Variants in SBF2 observed in about 807,000 individuals in gnomAD.
The protein encoded by SBF2 is SET binding factor 2.
In SBF2, 112 loss-of-function variants were observed where a neutral mutation model predicts 225.2. The ratio of observed to expected loss-of-function variants is 0.50; its 90% CI spans 0.43 to 0.58. The LOEUF (loss-of-function observed/expected upper bound fraction) is 0.58, where lower values mean the gene tolerates loss of function less well. SBF2 is among the 20% of genes least tolerant of loss of function. SBF2 has a pLI of 0.00. For missense variants in SBF2, 1,996 were observed against 2,206.2 expected (o/e 0.90, Z 1.91); for synonymous variants, 763 against 773.3 (o/e 0.99, Z 0.22).
chr11:10,119,985 G>GTA (rs2135047681), intron 2 of SBF2, among the ~76,000 whole-genome samples: 1 of 152,278 alleles, frequency 6.6e-6, no homozygotes, highest in South Asian at 2.1e-4. Context: ...ATTGGTAAAT[G>GTA]TATAGTTCAG....
intron 2 of SBF2, among the ~76,000 whole-genome samples, chr11:10,079,006 C>T (rs1951247883): frequency 2.0e-5 from 3 of 151,966 alleles, no homozygotes; most frequent in South Asian, 2.1e-4. Context: ...ATAAGCAAAG[C>T]CAGAGAACCC....
At chr11:10,091,929 C>T (rs1006671727) in intron 2 of SBF2, among the ~76,000 whole-genome samples, 1 of 152,104 alleles carries the variant, frequency 6.6e-6, no homozygotes, top group Non-Finnish European at 1.5e-5. Flanking sequence ...TTGGAAGAGG[C>T]CCAGAAGTTA....
At chr11:10,152,805 G>A (rs999780054) in intron 2 of SBF2, among the ~76,000 whole-genome samples, 2 of 152,152 alleles carry the variant, frequency 1.3e-5, no homozygotes, top group Admixed American at 6.5e-5. Flanking sequence ...TTCCACATGT[G>A]CTGCAGAATC....
intron 17 of SBF2, among the ~76,000 whole-genome samples, chr11:9,882,308 A>G (rs909061852): frequency 6.6e-6 from 1 of 152,228 alleles, no homozygotes. Context: ...TTCCTACAAA[A>G]TTCACAAGAT....
chr11:9,890,204 CTATT>C (rs538430148), intron 17 of SBF2, among the ~76,000 whole-genome samples: 4 of 151,874 alleles, frequency 2.6e-5, no homozygotes, highest in Admixed American at 6.6e-5. Context: ...CACTCCTGGC[CTATT>C]TATTTATTTA....
chr11:10,260,260 A>C (rs1416200893), intron 1 of SBF2, among the ~76,000 whole-genome samples: 1 of 152,230 alleles, frequency 6.6e-6, no homozygotes, highest in Non-Finnish European at 1.5e-5. Flanking sequence ...AATTATGTCC[A>C]CTAAGGGCAC....
intron 3 of SBF2, among the ~76,000 whole-genome samples, chr11:10,038,157 C>T (rs1046731329): frequency 6.6e-5 from 10 of 151,916 alleles, no homozygotes; most frequent in African/African-American, 2.4e-4. Flanking sequence ...CACACTGATA[C>T]AATTTTTGCA....
intron 2 of SBF2, among the ~76,000 whole-genome samples, chr11:10,187,928 G>T (rs1957000983): frequency 6.6e-6 from 1 of 152,118 alleles, no homozygotes; most frequent in African/African-American, 2.4e-5. Context: ...TGAGATAGAG[G>T]TATGAAATGA....
At chr11:9,888,766 T>C (rs955000150) in intron 17 of SBF2, among the ~76,000 whole-genome samples, 1 of 152,184 alleles carries the variant, frequency 6.6e-6, no homozygotes, top group Non-Finnish European at 1.5e-5. Context: ...AAGAACTCTA[T>C]TATAGTTAAA....
intron 1 of SBF2, among the ~76,000 whole-genome samples, chr11:10,197,472 T>C (rs1485552844): frequency 2.0e-5 from 3 of 152,242 alleles, no homozygotes; most frequent in Non-Finnish European, 4.4e-5. Flanking sequence ...AAAAATGCTT[T>C]ATTGCTAAAA....
At chr11:9,992,334 T>C (rs1947476072) in intron 12 of SBF2, 81 bp downstream of exon 12, 3 of 1,103,688 alleles carry the variant, frequency 2.7e-6, no homozygotes, top group Non-Finnish European at 2.6e-6. Context: ...ACTATATAAA[T>C]ATGGAAAATG....
intron 22 of SBF2, 83 bp from the exon 23 acceptor site, chr11:9,847,166 T>G: frequency 6.5e-7 from 1 of 1,536,164 alleles, no homozygotes; most frequent in Non-Finnish European, 9.0e-7. Context: ...CATCAGTCTC[T>G]GCTAGAGAAA....
At chr11:10,218,283 C>A (rs1246876387) in intron 1 of SBF2, among the ~76,000 whole-genome samples, 2 of 151,346 alleles carry the variant, frequency 1.3e-5, no homozygotes, top group African/African-American at 4.9e-5. Context: ...TCTCGACAGA[C>A]TTATCCACTA....
Position 9,963,846 on chromosome 11 carries a change from C to T in SBF2, c.1637G>A (p.Ser546Asn). 1 of 1,609,750 alleles carries T rather than the reference C, an allele frequency of 6.2e-7. No homozygotes were observed. Among genetic ancestry groups the T allele is most frequent in the Non-Finnish European group, 8.5e-7 (1 of 1,176,504 alleles). Residue 546 changes from serine to asparagine, a missense_variant, in exon 15 of 40, where the codon AGT becomes AAT. Coordinates refer to ENST00000256190, the MANE Select transcript of SBF2 (RefSeq NM_030962.4). ...IMDKVTTVFN[S>N]AQRLEVVRNC... Reference sequence around the variant, plus strand: ...TCTGACAACTTCTAGTCTTTGTGCACTGTTGAAAACTGTCGTCACCTTGTC... The same window carrying T: ...TCTGACAACTTCTAGTCTTTGTGCATTGTTGAAAACTGTCGTCACCTTGTC...
rs141784639 is a variant in SBF2, at chr11:9,804,529, C to G, written c.4443+3471G>C. 1.2e-3 allele frequency among the ~76,000 whole-genome samples: 182 copies of G among 152,206 alleles called. 2 individuals are homozygous for G. The highest frequency in any genetic ancestry group is 4.3e-3 in the African/African-American group (180 of 41,530). ...TGGTCACTGTACACAGTTGTGTAAC[C>G]ATCACCACAATCATGATACAGAACA... On this transcript the variant is annotated intron_variant, in intron 32 of 39. Coordinates refer to ENST00000256190, the MANE Select transcript of SBF2 (RefSeq NM_030962.4).
chr11:9,880,788 A>AT, intron 17 of SBF2, among the ~76,000 whole-genome samples: 1 of 152,346 alleles, frequency 6.6e-6, no homozygotes, highest in Admixed American at 6.5e-5. Flanking sequence ...TTTTCCTGTC[A>AT]TATTTTCCTT....
intron 6 of SBF2, among the ~76,000 whole-genome samples, chr11:10,004,375 G>T (rs1255835262): frequency 1.3e-5 from 2 of 151,856 alleles, no homozygotes; most frequent in Non-Finnish European, 2.9e-5. Context: ...GAATGAGCTA[G>T]TATTGTATGT....
intron 1 of SBF2, among the ~76,000 whole-genome samples, chr11:10,198,436 A>G (rs1037516636): frequency 6.6e-6 from 1 of 152,238 alleles, no homozygotes; most frequent in Admixed American, 6.5e-5. Flanking sequence ...TGCTATAAAT[A>G]GATGTGCTGT....
At chr11:9,870,916 G>C (rs1365967023) in intron 17 of SBF2, among the ~76,000 whole-genome samples, 1 of 150,784 alleles carries the variant, frequency 6.6e-6, no homozygotes, top group Non-Finnish European at 1.5e-5. Context: ...GGAGGTTGCA[G>C]TGAGCCGAGA....
Sources: gnomAD v4.1 joint callset for allele counts (sites outside exome capture counted in the v4.1 genomes callset) on GRCh38, gnomAD v4.1.1 for gene constraint, MANE v1.5 for transcripts, NCBI Gene and HGNC (gene_info 2026-07-23, HGNC 2026-07-21) for gene names.